Variants in BCAT2 observed in about 807,000 individuals in gnomAD.
BCAT2 encodes the protein branched chain amino acid transaminase 2, also known as branched-chain-amino-acid aminotransferase, mitochondrial.
BCAT2 carries 44 observed loss-of-function variants against 52.9 expected under a neutral mutation model. The ratio of observed to expected loss-of-function variants is 0.83; its 90% CI spans 0.65 to 1.07. BCAT2 has a LOEUF of 1.07. BCAT2 is among the 50% of genes least tolerant of loss of function. BCAT2 has a pLI of 0.00. For synonymous variants in BCAT2, 215 were observed against 217.1 expected, an observed-to-expected ratio of 0.99 and a Z score of 0.08; for missense variants, 478 against 521.8, an observed-to-expected ratio of 0.92 and a Z score of 0.82.
rs748961972 is a variant in BCAT2 at position 48,797,034 on chromosome 19, G to T, written c.839-12C>A. ...CACCAGCTCCAGCACTAGGGCAGGT[G>T]TAAGGGGTGGAAGATGTTACCTCTC... is the stretch of plus-strand genomic sequence containing the variant. On this transcript the variant is annotated splice_polypyrimidine_tract_variant and intron_variant, in intron 7 of 10. Transcript: ENST00000316273. 2 of 1,614,074 alleles carry T rather than the reference G, an allele frequency of 1.2e-6. No individual in the cohort carries two copies. Among genetic ancestry groups the T allele is most frequent in the Admixed American group, 3.3e-5 (2 of 60,024 alleles).
Position 48,797,275 on chromosome 19 carries a change from C to G in BCAT2, c.754G>C (p.Val252Leu). 1 of 1,614,146 alleles carries G rather than the reference C, an allele frequency of 6.2e-7. No homozygotes were observed. The highest frequency in any genetic ancestry group is 8.5e-7 in the Non-Finnish European group (1 of 1,180,024). The change falls in exon 7 of 11, where the codon GTC (valine) becomes CTC (leucine). Residue 252 changes from valine (V) to leucine (L), a missense_variant. Coordinates refer to ENST00000316273, the MANE Select transcript of BCAT2 (RefSeq NM_001190.4). ...QEALKRGCEQ[V>L]LWLYGPDHQL... ...TGGTCGGGCCCATACAGCCAGAGGA[C>G]CTGTTCACAGCCCCGCTTGAGTGCC...
chr19:48,806,490 A>C, intron 3 of BCAT2, 27 bp downstream of exon 3: 1 of 1,612,252 alleles, frequency 6.2e-7, no homozygotes. Flanking sequence ...AGACAGGGAC[A>C]GGGAGAGAGG....
rs369301424 is a variant in BCAT2, at chr19:48,796,408, C to G, written c.1140+20G>C. 2 of 1,614,008 alleles carry G rather than the reference C, an allele frequency of 1.2e-6. No homozygotes were observed. Among genetic ancestry groups the G allele is most frequent in the African/African-American group, 2.7e-5 (2 of 74,918 alleles). ...CAGGGAACAAGCTCCCAGCCCATTC[C>G]CCAGCTCCCTGCAGCTCACCTGGAT... On this transcript the variant is annotated intron_variant, in intron 10 of 10. Transcript: ENST00000316273.
At chr19:48,800,613 C>T (rs1400632544) in intron 3 of BCAT2, among the ~76,000 whole-genome samples, 1 of 152,074 alleles carries the variant, frequency 6.6e-6, no homozygotes, top group Non-Finnish European at 1.5e-5. Context: ...GAGTTCGTGA[C>T]CAGCCCAGGC....
chr19:48,796,470 A>G lies in BCAT2; in HGVS notation c.1098T>C (p.Pro366=), dbSNP rs1162187038. 2 of 1,614,006 alleles carry G rather than the reference A, an allele frequency of 1.2e-6. No homozygotes were observed. The highest frequency in any genetic ancestry group is 3.3e-5 in the Admixed American group (2 of 60,008). The change falls in exon 10 of 11, where the codon CCT becomes CCC. Residue 366 remains proline, a synonymous_variant. Transcript: ENST00000316273. Reference sequence around the variant, plus strand: ...CCTTCTGGAAGCGGAGGATCAGCTCAGGCCCATTTTCCATGGTGGGAATGT... The same window carrying G: ...CCTTCTGGAAGCGGAGGATCAGCTCGGGCCCATTTTCCATGGTGGGAATGT... ...NLHIPTMENG[P]ELILRFQKEL...
chr19:48,797,929 G>A (rs1291987704), intron 6 of BCAT2, among the ~76,000 whole-genome samples: 1 of 151,116 alleles, frequency 6.6e-6, no homozygotes, highest in Non-Finnish European at 1.5e-5. Context: ...CGATTCTCGT[G>A]CCTCAGCCTC....
At chr19:48,808,273 CACAA>C in intron 1 of BCAT2, 3 of 984,962 alleles carry the variant, frequency 3.0e-6, no homozygotes, top group Non-Finnish European at 3.6e-6. Context: ...GTATGAGAGA[CACAA>C]ACACAGTGCG....
chr19:48,800,539 C>T (rs1046059327), intron 3 of BCAT2, among the ~76,000 whole-genome samples: 1 of 152,160 alleles, frequency 6.6e-6, no homozygotes, highest in African/African-American at 2.4e-5. Flanking sequence ...CACGACCGGG[C>T]TCAGTGGCTC....
chr19:48,797,558 CTT>C (rs935377748), intron 6 of BCAT2: 15 of 518,180 alleles, frequency 2.9e-5, no homozygotes, highest in Non-Finnish European at 4.4e-5. Context: ...CTTTTCTTTT[CTT>C]TTTTTTTTAA....
intron 1 of BCAT2, 109 bp downstream of exon 1, chr19:48,810,875 A>G: frequency 6.5e-7 from 1 of 1,539,394 alleles, no homozygotes; most frequent in Non-Finnish European, 8.7e-7. Context: ...GCGGAACCCC[A>G]GGGCGGGAGG....
chr19:48,797,816 T>C (rs2034563982), intron 6 of BCAT2, among the ~76,000 whole-genome samples: 1 of 96,288 alleles, frequency 1.0e-5, no homozygotes. Flanking sequence ...CTTTTTTTCT[T>C]TTTTTTTTTT....
At chr19:48,810,819 C>G in intron 1 of BCAT2, 165 bp downstream of exon 1, 1 of 1,459,518 alleles carries the variant, frequency 6.9e-7, no homozygotes, top group South Asian at 1.4e-5. Flanking sequence ...CCCATTAAAG[C>G]CTCGTGCTCC....
At chr19:48,804,664 C>A (rs535477278) in intron 3 of BCAT2, among the ~76,000 whole-genome samples, 29 of 152,300 alleles carry the variant, frequency 1.9e-4, no homozygotes, top group African/African-American at 7.0e-4. Flanking sequence ...CATCCTCCCC[C>A]TTCCGCCCCC....
intron 1 of BCAT2, chr19:48,810,693 AC>A: frequency 2.7e-6 from 1 of 375,926 alleles, no homozygotes. Flanking sequence ...CAACCTCCCC[AC>A]CCCCACGCCT....
chr19:48,810,278 T>C (rs1370693631), intron 1 of BCAT2, among the ~76,000 whole-genome samples: 1 of 152,204 alleles, frequency 6.6e-6, no homozygotes, highest in African/African-American at 2.4e-5. Context: ...CTGTGAAGGC[T>C]TGTAATGACC....
chr19:48,799,706 C>T lies in BCAT2; in HGVS notation c.664G>A (p.Val222Met). ...AACTTGTAGTTGCCGACCCCGCCCA[C>T]CCAGGCCCGGATGAAGGCTGGGTCG... ...LADPAFIRAW[V>M]GGVGNYKLGG... Residue 222 changes from valine to methionine, a missense_variant, in exon 6 of 11, where the codon GTG becomes ATG. By Grantham distance (21) the Val-to-Met change is conservative (BLOSUM62 1). Transcript: ENST00000316273. The surrounding 1 kb of genome is among the most constrained non-coding windows in gnomAD (Gnocchi z 5.5). The T allele has an allele frequency of 6.3e-7, 1 of 1,596,732 alleles. No individual in the cohort carries two copies. Among genetic ancestry groups the T allele is most frequent in the Non-Finnish European group, 8.5e-7 (1 of 1,173,602 alleles).
intron 6 of BCAT2, 157 bp from the exon 7 acceptor site, chr19:48,797,490 G>A: frequency 1.2e-6 from 1 of 856,524 alleles, no homozygotes; most frequent in Non-Finnish European, 1.8e-6. Flanking sequence ...CTTTTCATTT[G>A]GCATCAGGAC....
chr19:48,800,958 C>T (rs4801776), intron 3 of BCAT2, among the ~76,000 whole-genome samples: 36,516 of 148,558 alleles, frequency 0.25, 4,645 homozygotes, highest in Middle Eastern at 0.28. Flanking sequence ...GGGTAGGCAG[C>T]GCTTGGCACA....
rs1033050414 is a variant in BCAT2, at chr19:48,796,992, C to T, written c.869G>A (p.Gly290Asp). The T allele has an allele frequency of 1.2e-6, 2 of 1,614,192 alleles. No individual in the cohort carries two copies. The highest frequency in any genetic ancestry group is 1.3e-5 in the African/African-American group (1 of 75,042). Residue 290 changes from glycine (G) to aspartate (D), a missense_variant, in exon 8 of 11, where the codon GGT (glycine) becomes GAT (aspartate). By Grantham distance (94) the Gly-to-Asp change is moderately conservative. Transcript: ENST00000316273. Reference sequence around the variant, plus strand: ...TCTGACCACTCCAGGCAGGATAACACCATTCAGCGGGGGCGTCACCAGCTC... The same window carrying T: ...TCTGACCACTCCAGGCAGGATAACATCATTCAGCGGGGGCGTCACCAGCTC... ...VLELVTPPLN[G>D]VILPGVVRQS...
Sources: gnomAD v4.1 joint callset for allele counts (sites outside exome capture counted in the v4.1 genomes callset) on GRCh38, gnomAD v4.1.1 for gene constraint, Gnocchi (gnomAD v3.1) non-coding constraint, MANE v1.5 for transcripts, NCBI Gene and HGNC (gene_info 2026-07-23, HGNC 2026-07-21) for gene names.